The following SDK1 variants were observed in gnomAD, a reference collection of about 807,000 sequenced individuals.
The protein encoded by SDK1 is sidekick cell adhesion molecule 1.
In SDK1, 157 loss-of-function variants were observed where a neutral mutation model predicts 245.5. That is an observed-to-expected ratio of 0.64 (90% confidence interval 0.56 to 0.73). SDK1 has a LOEUF of 0.73. Among genes scored for constraint, SDK1 ranks in the 30% least tolerant of loss-of-function variants. The pLI is 0.00. For missense variants in SDK1, 3,583 were observed against 3,002.3 expected (o/e 1.19, Z -4.52); for synonymous variants, 1,647 against 1,278.5 (o/e 1.29, Z -6.15).
chr7:4,084,049 A>G (rs1781270551), intron 22 of SDK1, among the ~76,000 whole-genome samples: 1 of 152,186 alleles, frequency 6.6e-6, no homozygotes, highest in Non-Finnish European at 1.5e-5. Context: ...TTCTTAGGAT[A>G]TTCAAGATGA....
At chr7:4,144,878 C>G (rs1779851662) in intron 28 of SDK1, among the ~76,000 whole-genome samples, 1 of 152,156 alleles carries the variant, frequency 6.6e-6, no homozygotes, top group African/African-American at 2.4e-5. Flanking sequence ...CCACAGCGCC[C>G]CGTCATTTCT....
At chr7:4,134,863 C>T (rs1274925920) in intron 28 of SDK1, 1 of 152,408 alleles carries the variant, frequency 6.6e-6, no homozygotes, top group Non-Finnish European at 1.5e-5. Flanking sequence ...GCTCAGATTC[C>T]AGTACTGTGA....
rs17264153 is a variant in SDK1, at chr7:3,984,482, C to G, written c.1995-2704C>G. ...TTAGAATTCGATCAAACATAACCCCCTTGAGGTCATCAGAGAAAGTGTGCA... is the reference window on the plus strand; with the variant it reads ...TTAGAATTCGATCAAACATAACCCCGTTGAGGTCATCAGAGAAAGTGTGCA... On this transcript the variant is annotated intron_variant, in intron 13 of 44. Coordinates refer to ENST00000404826, the MANE Select transcript of SDK1 (RefSeq NM_152744.4). Among the ~76,000 whole-genome samples the G allele has an allele frequency of 3.8e-3, 572 of 152,238 alleles. 4 individuals are homozygous for G. Among genetic ancestry groups the G allele is most frequent in the Admixed American group, 0.017 (259 of 15,298 alleles).
intron 5 of SDK1, among the ~76,000 whole-genome samples, chr7:3,872,460 C>T (rs1780980646): frequency 6.6e-6 from 1 of 151,804 alleles, no homozygotes; most frequent in Admixed American, 6.6e-5. Context: ...TTTGTTAATA[C>T]ATATAAGACT....
At chr7:3,971,626 G>A (rs1382010114) in intron 12 of SDK1, 58 bp downstream of exon 12, 1 of 1,284,730 alleles carries the variant, frequency 7.8e-7, no homozygotes, top group East Asian at 2.4e-5. Context: ...AGTTTCTGAA[G>A]TGAAGTTGAG....
intron 25 of SDK1, among the ~76,000 whole-genome samples, chr7:4,120,268 G>A (rs1783972266): frequency 6.7e-6 from 1 of 149,094 alleles, no homozygotes; most frequent in Non-Finnish European, 1.5e-5. Context: ...TTACAAGACT[G>A]AAGAAACACC....
chr7:3,991,365 G>T (rs1040716460), intron 14 of SDK1, among the ~76,000 whole-genome samples: 8 of 152,114 alleles, frequency 5.3e-5, no homozygotes, highest in African/African-American at 1.7e-4. Flanking sequence ...GTCCCATTAC[G>T]CCCAGGCAGA....
intron 5 of SDK1, among the ~76,000 whole-genome samples, chr7:3,889,484 G>A (rs1358011584): frequency 1.3e-5 from 2 of 152,146 alleles, no homozygotes; most frequent in Non-Finnish European, 2.9e-5. Context: ...GCCCTACAGT[G>A]GTACCAGTGG....
chr7:3,952,249 C>T (rs1048504888), intron 7 of SDK1: 7 of 335,108 alleles, frequency 2.1e-5, no homozygotes, highest in African/African-American at 1.3e-4. Context: ...TTCTGTAACT[C>T]TTATTTGGCT....
At chr7:3,918,045 C>T (rs1025142200) in intron 5 of SDK1, among the ~76,000 whole-genome samples, 1 of 152,154 alleles carries the variant, frequency 6.6e-6, no homozygotes, top group Non-Finnish European at 1.5e-5. Flanking sequence ...TTGTTGGAGT[C>T]CCCTTCTAGG....
At chr7:3,383,791 G>A (rs1214518085) in intron 1 of SDK1, among the ~76,000 whole-genome samples, 1 of 152,180 alleles carries the variant, frequency 6.6e-6, no homozygotes, top group Non-Finnish European at 1.5e-5. Flanking sequence ...AGTATCATTT[G>A]AATAATTTAA....
At position 3,990,405 on chromosome 7, in the gene SDK1, A is replaced by G. The variant is rs748733155; in HGVS notation, c.2131+3083A>G. Among the ~76,000 whole-genome samples the G allele has an allele frequency of 2.0e-5, 3 of 152,212 alleles. No homozygotes were observed. The East Asian group carries it at 5.8e-4, about 29-fold the overall frequency. On this transcript the variant is annotated intron_variant, in intron 14 of 44. Transcript: ENST00000404826. The stretch of plus-strand genomic sequence containing the variant: ...AGGATAGAAACCAGCGTGTGTGCAG[A>G]CGGCCATCTTAGCTTCCATTCAACG...
chr7:3,473,184 T>G (rs978577298), intron 1 of SDK1, among the ~76,000 whole-genome samples: 1 of 152,090 alleles, frequency 6.6e-6, no homozygotes, highest in Non-Finnish European at 1.5e-5. Flanking sequence ...TGCAAACCAG[T>G]GAACTAATTT....
At chr7:3,890,952 C>G (rs1050959701) in intron 5 of SDK1, among the ~76,000 whole-genome samples, 2 of 152,144 alleles carry the variant, frequency 1.3e-5, no homozygotes, top group African/African-American at 4.8e-5. Context: ...TTATTTTTCA[C>G]TATGGGTCTA....
At chr7:4,118,607 C>G (rs372243507) in intron 25 of SDK1, among the ~76,000 whole-genome samples, 2 of 126,690 alleles carry the variant, frequency 1.6e-5, no homozygotes, top group African/African-American at 5.5e-5. Context: ...AAACATATGT[C>G]TACACAAAAT....
chr7:4,256,050 G>C (rs1787605036), intron 44 of SDK1, among the ~76,000 whole-genome samples: 1 of 150,606 alleles, frequency 6.6e-6, no homozygotes, highest in Non-Finnish European at 1.5e-5. Flanking sequence ...CTCCCAAGTA[G>C]CTGTGATCAC....
intron 5 of SDK1, among the ~76,000 whole-genome samples, chr7:3,937,570 G>A (rs971606156): frequency 6.6e-6 from 1 of 152,328 alleles, no homozygotes; most frequent in Admixed American, 6.5e-5. Context: ...AAACACAATG[G>A]TGTTCGCTGG....
At chr7:3,848,196 C>G (rs528040162) in intron 5 of SDK1, among the ~76,000 whole-genome samples, 3 of 152,272 alleles carry the variant, frequency 2.0e-5, no homozygotes, top group African/African-American at 7.2e-5. Flanking sequence ...AATTATTAAA[C>G]CTATAAAATG....
intron 1 of SDK1, among the ~76,000 whole-genome samples, chr7:3,307,630 C>A (rs767578076): frequency 2.0e-5 from 3 of 152,210 alleles, no homozygotes; most frequent in Non-Finnish European, 2.9e-5. Flanking sequence ...CTCATTCCAT[C>A]AGCCTGATAC....
Sources: allele counts gnomAD v4.1 joint callset (sites outside exome capture counted in the v4.1 genomes callset), GRCh38; gene constraint gnomAD v4.1.1; transcripts MANE v1.5; gene names NCBI Gene and HGNC (gene_info 2026-07-23, HGNC 2026-07-21).